Variants in HCN4 observed in about 807,000 individuals in gnomAD.
HCN4 encodes hyperpolarization activated cyclic nucleotide gated potassium channel 4.
HCN4 carries 29 observed loss-of-function variants against 76.9 expected under a neutral mutation model. That is an observed-to-expected ratio of 0.38 (90% CI 0.28 to 0.51). HCN4 has a LOEUF of 0.51. Among genes scored for constraint, HCN4 ranks in the 20% least tolerant of loss-of-function variants. HCN4 has a pLI of 0.90. For synonymous variants in HCN4, 772 were observed against 762.5 expected (o/e 1.01, Z -0.21); for missense variants, 1,416 against 1,715.2 (o/e 0.83, Z 3.08).
intron 1 of HCN4, among the ~76,000 whole-genome samples, chr15:73,351,368 C>A (rs1270411657): frequency 6.6e-6 from 1 of 152,204 alleles, no homozygotes; most frequent in Non-Finnish European, 1.5e-5. Flanking sequence ...TAAACCCATG[C>A]ATCCACTTGC....
rs540456421 is a variant in HCN4 at position 73,366,773 on chromosome 15, G to A, written c.785+713C>T. 4.1e-4 allele frequency among the ~76,000 whole-genome samples: 62 copies of A among 152,312 alleles called. No homozygotes were observed. The South Asian group carries it at 0.013, about 31-fold the overall frequency. On this transcript the variant is annotated intron_variant, in intron 1 of 7. Transcript: ENST00000261917. ...TCTCTGGGGTATGGATGGGCCACTGGACAAGCATGGGACACAGGACAGCTG... is the reference window on the plus strand; with the variant it reads ...TCTCTGGGGTATGGATGGGCCACTGAACAAGCATGGGACACAGGACAGCTG...
Position 73,325,347 on chromosome 15 carries a change from A to G in HCN4, c.1688T>C (p.Met563Thr). 1.9e-6 allele frequency: 3 copies of G among 1,614,052 alleles called. No individual in the cohort carries two copies. Among genetic ancestry groups the G allele is most frequent in the Non-Finnish European group, 2.5e-6 (3 of 1,179,980 alleles). ...DYYEHRYQGK[M>T]FDEESILGEL... ...GCCCAGGATGCTCTCCTCGTCGAAC[A>G]TCTTGCCCTGGTAGCGGTGCTCGTA... The change falls in exon 5 of 8, where the codon ATG (methionine) becomes ACG (threonine). Residue 563 changes from methionine to threonine, a missense_variant. Met to Thr is a moderately conservative substitution (Grantham distance 81). This residue lies in a region of HCN4 where 241 missense variants were observed against 379.4 expected (regional missense o/e 0.64). Transcript: ENST00000261917. This position sits in a 1 kb window ranked among gnomAD's most constrained non-coding sequence, Gnocchi z 7.4.
At position 73,322,348 on chromosome 15, in the gene HCN4, CTT is replaced by C. The variant is rs1176490215; in HGVS notation, c.*131_*132del. On this transcript the variant is annotated 3_prime_UTR_variant, in exon 8 of 8. Transcript: ENST00000261917. ...AGAATACCTGGTTATTTTCTGCTGT[CTT>C]TTGTTTTTCTGGTGTGTGTGGTTTT... 1.9e-5 allele frequency: 15 copies of C among 802,284 alleles called. No homozygotes were observed. Among genetic ancestry groups the C allele is most frequent in the African/African-American group, 1.6e-4 (9 of 57,520 alleles). 49.7% of individuals were successfully genotyped at this position (802,284 alleles called of 1,614,324 possible).
intron 1 of HCN4, among the ~76,000 whole-genome samples, chr15:73,352,246 A>G (rs1236056847): frequency 6.7e-6 from 1 of 148,864 alleles, no homozygotes; most frequent in African/African-American, 2.6e-5. Flanking sequence ...CATGCCATGC[A>G]TGCCTCAGGA....
intron 1 of HCN4, among the ~76,000 whole-genome samples, chr15:73,360,200 T>C (rs941862205): frequency 6.6e-6 from 1 of 152,218 alleles, no homozygotes; most frequent in Non-Finnish European, 1.5e-5. Context: ...AAGCTCCAAC[T>C]GACAGGACCA....
chr15:73,329,830 G>T, intron 3 of HCN4, 39 bp from the exon 4 acceptor site: 2 of 1,548,284 alleles, frequency 1.3e-6, no homozygotes, highest in Non-Finnish European at 8.9e-7. Flanking sequence ...TGGATGAGAG[G>T]GAAGGCCCTT....
chr15:73,337,507 C>CA (rs1386186182), intron 2 of HCN4, among the ~76,000 whole-genome samples: 1 of 152,228 alleles, frequency 6.6e-6, no homozygotes, highest in Non-Finnish European at 1.5e-5. Context: ...GCCTTAAAGA[C>CA]AGAGCATCGA....
chr15:73,352,527 CAG>C (rs1479257502), intron 1 of HCN4, among the ~76,000 whole-genome samples: 2 of 152,142 alleles, frequency 1.3e-5, no homozygotes, highest in African/African-American at 2.4e-5. Context: ...ACAGAAGAAA[CAG>C]GGGGCCTGGG....
At chr15:73,355,467 G>A (rs1345385984) in intron 1 of HCN4, among the ~76,000 whole-genome samples, 1 of 152,140 alleles carries the variant, frequency 6.6e-6, no homozygotes, top group Non-Finnish European at 1.5e-5. Flanking sequence ...CGCACCTCAG[G>A]GAACCCTGAC....
chr15:73,336,002 A>C (rs1167542053), intron 2 of HCN4, among the ~76,000 whole-genome samples: 2 of 152,124 alleles, frequency 1.3e-5, no homozygotes, highest in Non-Finnish European at 2.9e-5. Flanking sequence ...CCCAGAGCTC[A>C]TAGTCTGGCT....
intron 2 of HCN4, among the ~76,000 whole-genome samples, chr15:73,339,130 G>A (rs1170136034): frequency 6.6e-6 from 1 of 152,212 alleles, no homozygotes; most frequent in African/African-American, 2.4e-5. Context: ...GCCTTGCAGG[G>A]TAACGTCCAA....
rs573865102 is a variant in HCN4, at chr15:73,367,473, T to G, written c.785+13A>C. 9.6e-5 allele frequency: 155 copies of G among 1,612,654 alleles called. 2 individuals carry two copies. The South Asian group carries it at 1.5e-3, about 16-fold the overall frequency. ...CGCAGGGCACCCACAGGATCATCGC[T>G]GTGGCCCCTTACCTGAAGTCACTGT... is the stretch of plus-strand genomic sequence containing the variant. On this transcript the variant is annotated intron_variant, in intron 1 of 7. Coordinates refer to ENST00000261917, the MANE Select transcript of HCN4 (RefSeq NM_005477.3). This position sits in a 1 kb window ranked among gnomAD's most constrained non-coding sequence, Gnocchi z 7.5.
chr15:73,353,004 A>AGATG (rs756120632), intron 1 of HCN4, among the ~76,000 whole-genome samples: 9,359 of 150,872 alleles, frequency 0.062, 527 homozygotes, highest in African/African-American at 0.14. Flanking sequence ...ATGGATGGAC[A>AGATG]GATGGATGGA....
chr15:73,323,084 C>T lies in HCN4; in HGVS notation c.3009G>A (p.Pro1003=), dbSNP rs775401682. 131 of 1,575,636 alleles carry T rather than the reference C, an allele frequency of 8.3e-5. No homozygotes were observed. Among genetic ancestry groups the T allele is most frequent in the Non-Finnish European group, 6.7e-5 (78 of 1,163,690 alleles). The change falls in exon 8 of 8, where the codon CCG becomes CCA. Residue 1003 remains proline, a synonymous_variant. Transcript: ENST00000261917. ...CAGAGGCCCCTGCCACAAGGGACGG[C>T]GGCTCAGGCTGCCGTGGGGGTGTCT... ...TPETPPRQPE[P]PSLVAGASGG...
At chr15:73,347,328 G>C (rs1268930414) in intron 1 of HCN4, among the ~76,000 whole-genome samples, 1 of 152,168 alleles carries the variant, frequency 6.6e-6, no homozygotes, top group African/African-American at 2.4e-5. Context: ...AGTTCTTGGG[G>C]TTGTGGGTAC....
In HCN4 at chr15:73,323,426, G is replaced by A. The variant is rs2151214520; in HGVS notation, c.2667C>T (p.Ser889=). The A allele has an allele frequency of 1.2e-6, 2 of 1,608,530 alleles. No individual in the cohort carries two copies. Among genetic ancestry groups the A allele is most frequent in the Non-Finnish European group, 1.7e-6 (2 of 1,178,156 alleles). ...CAGCTGATGGTGTGGGAGCCGAGGG[G>A]GAGCCACAGGCCCCGGGGGGTGGGG... ...SSSPPPGACG[S]PSAPTPSAGV... The change falls in exon 8 of 8, where the codon TCC becomes TCT. Residue 889 remains serine (S), a synonymous_variant. Transcript: ENST00000261917.
chr15:73,348,166 G>A (rs1256055152), intron 1 of HCN4, among the ~76,000 whole-genome samples: 1 of 152,226 alleles, frequency 6.6e-6, no homozygotes, highest in East Asian at 1.9e-4. Context: ...CATGACAGGA[G>A]GTGGCTGATA....
In HCN4 at chr15:73,323,600, G is replaced by A. The variant is rs1372157927; in HGVS notation, c.2493C>T (p.Ser831=). ...CGGAGCCCAGCGCAGAAGGGATCAG[G>A]GACTGCAGCCGTTTCAGGTGCCTTG... is the stretch of plus-strand genomic sequence containing the variant. ...QTPRHLKRLQ[S]LIPSALGSAS... Residue 831 remains serine, a synonymous_variant, in exon 8 of 8, where the codon TCC becomes TCT. Coordinates refer to ENST00000261917, the MANE Select transcript of HCN4 (RefSeq NM_005477.3). The A allele has an allele frequency of 6.2e-6, 10 of 1,601,438 alleles. No individual in the cohort carries two copies. The highest frequency in any genetic ancestry group is 8.5e-6 in the Non-Finnish European group (10 of 1,179,098).
Position 73,343,370 on chromosome 15 carries a change from G to C in HCN4, c.1209+15C>G. On this transcript the variant is annotated intron_variant, in intron 2 of 7. Transcript: ENST00000261917. This position sits in a 1 kb window ranked among gnomAD's most constrained non-coding sequence, Gnocchi z 5.7. ...GAGTGGCCTTTCCCCCAAGAGGTTT[G>C]CACTGACCACTTACCTCTTCCCACT... 6.2e-7 allele frequency: 1 copy of C among 1,613,366 alleles called. No homozygotes were observed. Among genetic ancestry groups the C allele is most frequent in the South Asian group, 1.1e-5 (1 of 90,936 alleles).
Sources: gnomAD v4.1 joint callset for allele counts (sites outside exome capture counted in the v4.1 genomes callset) on GRCh38, gnomAD v4.1.1 for gene constraint, gnomAD v4.1.1 regional missense constraint, Gnocchi (gnomAD v3.1) non-coding constraint, MANE v1.5 for transcripts, NCBI Gene and HGNC (gene_info 2026-07-23, HGNC 2026-07-21) for gene names.